Variants in L3MBTL4 observed in about 807,000 individuals in gnomAD.
The protein encoded by L3MBTL4 is L3MBTL histone methyl-lysine binding protein 4, also known as lethal(3)malignant brain tumor-like protein 4.
Under a neutral mutation model 84.5 loss-of-function variants are expected in L3MBTL4, and 70 were observed. The observed-to-expected ratio is 0.83, with a 90% confidence interval of 0.68 to 1.01. The LOEUF (loss-of-function observed/expected upper bound fraction) is 1.01, where lower values mean the gene tolerates loss of function less well. Among genes scored for constraint, L3MBTL4 ranks in the 50% least tolerant of loss-of-function variants. The pLI is 0.00. For missense variants in L3MBTL4, 715 were observed against 754.8 expected (o/e 0.95, Z 0.62); for synonymous variants, 274 against 259.8 (o/e 1.05, Z -0.52).
At chr18:6,108,841 A>G (rs1043939627) in intron 14 of L3MBTL4, among the ~76,000 whole-genome samples, 3 of 152,220 alleles carry the variant, frequency 2.0e-5, no homozygotes, top group African/African-American at 7.2e-5. Context: ...TATAACAACT[A>G]TTTACTTAGC....
At chr18:6,071,100 G>C (rs114252872) in intron 16 of L3MBTL4, among the ~76,000 whole-genome samples, 1 of 152,004 alleles carries the variant, frequency 6.6e-6, no homozygotes, top group Non-Finnish European at 1.5e-5. Flanking sequence ...TATAGAGATG[G>C]TAGCAATAGG....
At chr18:6,183,383 G>A (rs1011977600) in intron 12 of L3MBTL4, among the ~76,000 whole-genome samples, 2 of 152,164 alleles carry the variant, frequency 1.3e-5, no homozygotes, top group African/African-American at 4.8e-5. Flanking sequence ...GTGGTGAACT[G>A]GACCACCGTG....
intron 13 of L3MBTL4, among the ~76,000 whole-genome samples, chr18:6,166,886 G>A (rs531951739): frequency 6.6e-6 from 1 of 152,186 alleles, no homozygotes; most frequent in Admixed American, 6.5e-5. Flanking sequence ...ATGAATCCAG[G>A]AGCTGGATTT....
intron 1 of L3MBTL4, chr18:6,395,492 A>G (rs2055233981): frequency 6.6e-6 from 1 of 152,222 alleles, no homozygotes; most frequent in South Asian, 2.1e-4. Flanking sequence ...TTTTATTTTA[A>G]AAGTGTATTA....
chr18:6,219,106 C>T (rs548612497), intron 10 of L3MBTL4, among the ~76,000 whole-genome samples: 4 of 152,214 alleles, frequency 2.6e-5, no homozygotes, highest in Admixed American at 6.5e-5. Context: ...ACACTTTTAT[C>T]TACATTTTTT....
At chr18:6,269,851 G>A in intron 4 of L3MBTL4, among the ~76,000 whole-genome samples, 1 of 152,158 alleles carries the variant, frequency 6.6e-6, no homozygotes, top group Non-Finnish European at 1.5e-5. Context: ...AGAACATCCA[G>A]TTCTAGGAAA....
chr18:5,979,345 C>T (rs1598345327), intron 16 of L3MBTL4, among the ~76,000 whole-genome samples: 1 of 152,160 alleles, frequency 6.6e-6, no homozygotes, highest in Non-Finnish European at 1.5e-5. Context: ...ACACAGCCAG[C>T]CCAGGGCACA....
chr18:6,241,227 G>A, intron 8 of L3MBTL4, 131 bp downstream of exon 8: 3 of 634,348 alleles, frequency 4.7e-6, no homozygotes, highest in Non-Finnish European at 8.4e-6. Flanking sequence ...CGAATTAGGT[G>A]AGAAAAGTGA....
intron 16 of L3MBTL4, among the ~76,000 whole-genome samples, chr18:5,986,777 G>T (rs952009457): frequency 6.6e-6 from 1 of 152,202 alleles, no homozygotes; most frequent in African/African-American, 2.4e-5. Context: ...AGTGGGCATG[G>T]GCCCGAGTCC....
chr18:6,198,169 G>A (rs1468824595), intron 12 of L3MBTL4, among the ~76,000 whole-genome samples: 1 of 152,072 alleles, frequency 6.6e-6, no homozygotes, highest in Non-Finnish European at 1.5e-5. Flanking sequence ...ACAATGAAAA[G>A]GTGAAAAACA....
intron 7 of L3MBTL4, among the ~76,000 whole-genome samples, chr18:6,242,806 T>C (rs567781608): frequency 2.6e-5 from 4 of 152,212 alleles, no homozygotes; most frequent in Non-Finnish European, 5.9e-5. Flanking sequence ...CAGACTCCTC[T>C]AGCACATAAC....
chr18:6,084,213 C>T (rs940424223), intron 15 of L3MBTL4, among the ~76,000 whole-genome samples: 12 of 152,144 alleles, frequency 7.9e-5, no homozygotes, highest in African/African-American at 2.2e-4. Context: ...CCCCGTAAGT[C>T]GAATCCTGCC....
chr18:6,045,638 C>T (rs1230473652), intron 16 of L3MBTL4, among the ~76,000 whole-genome samples: 1 of 152,132 alleles, frequency 6.6e-6, no homozygotes, highest in Non-Finnish European at 1.5e-5. Flanking sequence ...TAGGAAAGAC[C>T]TGCCTCCATG....
At chr18:5,968,076 A>C (rs2052442345) in intron 17 of L3MBTL4, among the ~76,000 whole-genome samples, 1 of 152,208 alleles carries the variant, frequency 6.6e-6, no homozygotes, top group African/African-American at 2.4e-5. Context: ...CAGTGTCTCC[A>C]ATTTCTGGGT....
intron 10 of L3MBTL4, among the ~76,000 whole-genome samples, chr18:6,225,546 G>C (rs1302734396): frequency 6.6e-6 from 1 of 152,106 alleles, no homozygotes; most frequent in Non-Finnish European, 1.5e-5. Context: ...GATAGGTTGA[G>C]CTCAGGTGTT....
chr18:6,184,921 A>T (rs562172489), intron 12 of L3MBTL4, among the ~76,000 whole-genome samples: 1 of 152,324 alleles, frequency 6.6e-6, no homozygotes, highest in Non-Finnish European at 1.5e-5. Context: ...GGGTTTCCCA[A>T]ACAAAACTTG....
chr18:6,362,905 G>A (rs1319459820), intron 1 of L3MBTL4, among the ~76,000 whole-genome samples: 1 of 152,196 alleles, frequency 6.6e-6, no homozygotes, highest in Non-Finnish European at 1.5e-5. Flanking sequence ...AGGAAGTGTG[G>A]GCGCATGCGC....
chr18:6,098,360 C>A (rs1055847919), intron 14 of L3MBTL4, among the ~76,000 whole-genome samples: 4 of 152,206 alleles, frequency 2.6e-5, no homozygotes, highest in African/African-American at 4.8e-5. Context: ...CAGCCTCCAG[C>A]AACCTCTAGG....
intron 16 of L3MBTL4, among the ~76,000 whole-genome samples, chr18:6,028,183 G>A (rs2055600760): frequency 6.6e-6 from 1 of 152,162 alleles, no homozygotes; most frequent in Admixed American, 6.5e-5. Flanking sequence ...TTACGTTTAA[G>A]TCTTAATTAA....
Sources: gnomAD v4.1 joint callset for allele counts (sites outside exome capture counted in the v4.1 genomes callset) on GRCh38, gnomAD v4.1.1 for gene constraint, MANE v1.5 for transcripts, NCBI Gene and HGNC (gene_info 2026-07-23, HGNC 2026-07-21) for gene names.